Variants in TTC27 observed in about 807,000 individuals in gnomAD.
TTC27 encodes the protein tetratricopeptide repeat domain 27, also known as tetratricopeptide repeat protein 27.
A neutral mutation model predicts 115.9 loss-of-function variants in TTC27; 79 were observed. The observed-to-expected ratio is 0.68, with a 90% CI of 0.57 to 0.82. TTC27 has a LOEUF of 0.82. TTC27 is among the 40% of genes least tolerant of loss of function. The pLI is 0.00. For missense variants in TTC27, 1,054 were observed against 993.1 expected, an observed-to-expected ratio of 1.06 and a Z score of -0.82; for synonymous variants, 401 against 356.0, an observed-to-expected ratio of 1.13 and a Z score of -1.42.
intron 8 of TTC27, among the ~76,000 whole-genome samples, chr2:32,673,987 A>G (rs2151885223): frequency 6.6e-6 from 1 of 152,266 alleles, no homozygotes; most frequent in Admixed American, 6.5e-5. Flanking sequence ...CTGTCTCAAA[A>G]AAATACAAAT....
At chr2:32,726,921 AAG>A (rs1668128683) in intron 10 of TTC27, among the ~76,000 whole-genome samples, 1 of 152,242 alleles carries the variant, frequency 6.6e-6, no homozygotes, top group Admixed American at 6.5e-5. Flanking sequence ...CAGTCAAAGA[AAG>A]AGAGCTTTTG....
At chr2:32,711,014 G>A (rs959439656) in intron 10 of TTC27, among the ~76,000 whole-genome samples, 6 of 151,008 alleles carry the variant, frequency 4.0e-5, no homozygotes, top group Non-Finnish European at 7.4e-5. Flanking sequence ...CTACTCGAGA[G>A]GCTGAGGCAG....
At chr2:32,782,238 G>A (rs1365335420) in intron 14 of TTC27, among the ~76,000 whole-genome samples, 1 of 152,146 alleles carries the variant, frequency 6.6e-6, no homozygotes, top group African/African-American at 2.4e-5. Flanking sequence ...CCCCTATCCG[G>A]TGAAGAAGGA....
intron 2 of TTC27, 115 bp downstream of exon 2, chr2:32,630,815 A>G (rs1026747896): frequency 2.1e-6 from 2 of 933,586 alleles, no homozygotes; most frequent in Non-Finnish European, 3.1e-6. Flanking sequence ...TATTTTACTC[A>G]AGACTCATGG....
intron 8 of TTC27, among the ~76,000 whole-genome samples, chr2:32,675,952 C>T (rs578053653): frequency 1.3e-5 from 2 of 152,008 alleles, no homozygotes; most frequent in South Asian, 4.2e-4. Context: ...CCACCATGCT[C>T]ATCTAATTTT....
chr2:32,740,945 G>A (rs1165777225), intron 12 of TTC27, among the ~76,000 whole-genome samples: 6 of 152,198 alleles, frequency 3.9e-5, no homozygotes, highest in East Asian at 3.9e-4. Flanking sequence ...ATGAGCCACC[G>A]CACCCAGCCT....
intron 7 of TTC27, among the ~76,000 whole-genome samples, chr2:32,668,870 G>C (rs1433775206): frequency 6.6e-6 from 1 of 151,954 alleles, no homozygotes; most frequent in East Asian, 1.9e-4. Context: ...ATGAGGTCAG[G>C]AGATGGAGAC....
At chr2:32,640,221 T>C in intron 3 of TTC27, 49 bp from the exon 4 acceptor site, 1 of 1,524,010 alleles carries the variant, frequency 6.6e-7, no homozygotes, top group Non-Finnish European at 8.9e-7. Context: ...CATATAAAGA[T>C]TAATATTTTG....
chr2:32,632,471 A>G (rs1328592701), intron 2 of TTC27, among the ~76,000 whole-genome samples: 1 of 152,220 alleles, frequency 6.6e-6, no homozygotes, highest in Non-Finnish European at 1.5e-5. Flanking sequence ...TCATTTTCAG[A>G]CATTTGAAAG....
At chr2:32,819,229 A>C (rs770542626) in intron 19 of TTC27, among the ~76,000 whole-genome samples, 6 of 152,194 alleles carry the variant, frequency 3.9e-5, no homozygotes, top group Non-Finnish European at 8.8e-5. Context: ...TTGTCTGTGC[A>C]GGTACTGCAC....
chr2:32,701,226 C>G (rs970021928), intron 9 of TTC27, among the ~76,000 whole-genome samples: 1 of 152,140 alleles, frequency 6.6e-6, no homozygotes, highest in Admixed American at 6.6e-5. Context: ...CACTAAGGTT[C>G]TGTTCTTTTG....
At position 32,702,851 on chromosome 2, in the gene TTC27, C is replaced by G; in HGVS notation, c.1164C>G (p.Ala388=). Residue 388 remains alanine, a synonymous_variant, in exon 10 of 20, where the codon GCC becomes GCG. Transcript: ENST00000317907. ...AGTTCTGGGCCATTCAGACATCAGC[C>G]TTGATCCTCCGGACAAAACTTGAGA... ...QPKFWAIQTS[A]LILRTKLEKG... The G allele has an allele frequency of 6.2e-7, 1 of 1,614,116 alleles. No individual in the cohort carries two copies. Among genetic ancestry groups the G allele is most frequent in the Non-Finnish European group, 8.5e-7 (1 of 1,179,996 alleles).
At chr2:32,813,788 C>G (rs1053912111) in intron 18 of TTC27, among the ~76,000 whole-genome samples, 4 of 152,128 alleles carry the variant, frequency 2.6e-5, no homozygotes, top group African/African-American at 9.7e-5. Context: ...TATCTTTGAC[C>G]TAAAGGATAT....
At chr2:32,783,046 A>G (rs1217229190) in intron 15 of TTC27, among the ~76,000 whole-genome samples, 2 of 152,206 alleles carry the variant, frequency 1.3e-5, no homozygotes, top group Non-Finnish European at 2.9e-5. Flanking sequence ...TTATTGAGAA[A>G]TATAAATAAA....
At chr2:32,645,968 C>T (rs1262414444) in intron 4 of TTC27, among the ~76,000 whole-genome samples, 1 of 151,902 alleles carries the variant, frequency 6.6e-6, no homozygotes, top group East Asian at 1.9e-4. Context: ...ATCTGCTTGC[C>T]TCAGCCTCCC....
At chr2:32,670,887 G>C (rs1665990425) in intron 7 of TTC27, among the ~76,000 whole-genome samples, 1 of 149,220 alleles carries the variant, frequency 6.7e-6, no homozygotes, top group South Asian at 2.1e-4. Flanking sequence ...CTAAAGTGCT[G>C]GTATTACAGG....
chr2:32,760,058 T>C (rs1378704055), intron 13 of TTC27, among the ~76,000 whole-genome samples: 1 of 152,216 alleles, frequency 6.6e-6, no homozygotes, highest in Non-Finnish European at 1.5e-5. Flanking sequence ...TGAACATGGG[T>C]GTGCAGAAAT....
At chr2:32,657,282 A>T (rs1665360388) in intron 5 of TTC27, among the ~76,000 whole-genome samples, 1 of 151,834 alleles carries the variant, frequency 6.6e-6, no homozygotes, top group Non-Finnish European at 1.5e-5. Flanking sequence ...GAGGTGAGAC[A>T]TGTACATCTT....
At chr2:32,765,475 G>A (rs1669595424) in intron 13 of TTC27, among the ~76,000 whole-genome samples, 1 of 151,912 alleles carries the variant, frequency 6.6e-6, no homozygotes, top group African/African-American at 2.4e-5. Context: ...CAGTCCTCAG[G>A]CAGAGTAGGT....
Sources: allele counts gnomAD v4.1 joint callset (sites outside exome capture counted in the v4.1 genomes callset), GRCh38; gene constraint gnomAD v4.1.1; transcripts MANE v1.5; gene names NCBI Gene and HGNC (gene_info 2026-07-23, HGNC 2026-07-21).